PPIL1: variants seen among roughly 807,000 people sequenced by gnomAD.
PPIL1 encodes the protein peptidyl-prolyl cis-trans isomerase-like 1.
A neutral mutation model predicts 19.4 loss-of-function variants in PPIL1; 14 were observed. The ratio of observed to expected loss-of-function variants is 0.72; its 90% confidence interval spans 0.48 to 1.13. PPIL1 has a LOEUF of 1.13. PPIL1 is among the 50% of genes most tolerant of loss of function. PPIL1 has a pLI of 0.00. For synonymous variants in PPIL1, 72 were observed against 73.6 expected (o/e 0.98, Z 0.11); for missense variants, 192 against 218.0 (o/e 0.88, Z 0.75).
At chr6:36,865,840 T>G (rs150615123) in intron 2 of PPIL1, among the ~76,000 whole-genome samples, 69 of 152,366 alleles carry the variant, frequency 4.5e-4, no homozygotes, top group Non-Finnish European at 9.4e-4. Context: ...AATGCTTAAG[T>G]GCTTCTCCCA....
At position 36,855,987 on chromosome 6, in the gene PPIL1, G is replaced by A. The variant is rs1380483201; in HGVS notation, c.327C>T (p.Gly109=). ...GGGCGAGGGTCACAAAGAACTGGCT[G>A]CCATTGGTATCTGGCCCCGCATTGG... ...AMANAGPDTN[G]SQFFVTLAPT... is the part of the protein sequence containing the mutation. The change falls in exon 4 of 4, where the codon GGC becomes GGT. Residue 109 remains glycine, a synonymous_variant. Transcript: ENST00000373699. 2.5e-6 allele frequency: 4 copies of A among 1,614,118 alleles called. No homozygotes were observed. The African/African-American group carries it at 4.0e-5, about 16-fold the overall frequency.
chr6:36,867,111 A>C lies in PPIL1; in HGVS notation c.211+4607T>G, dbSNP rs371871996. ...CGGGGCCTCAACCCGTGTGCGGCCC[A>C]TGTTTCACAGGACGAGCCAGGGGCT... is the stretch of plus-strand genomic sequence containing the variant. On this transcript the variant is annotated intron_variant, in intron 2 of 3. Transcript: ENST00000373699. 2.6e-5 allele frequency among the ~76,000 whole-genome samples: 4 copies of C among 152,300 alleles called. No homozygotes were observed. The East Asian group carries it at 5.8e-4, about 22-fold the overall frequency.
At chr6:36,871,894 G>A (rs778019289) in intron 1 of PPIL1, 22 bp from the exon 2 acceptor site, 2 of 1,550,122 alleles carry the variant, frequency 1.3e-6, no homozygotes, top group Non-Finnish European at 1.7e-6. Flanking sequence ...GAGGACAACA[G>A]CTCCAGTAAA....
chr6:36,864,248 C>T (rs1395842009), intron 2 of PPIL1, among the ~76,000 whole-genome samples: 1 of 152,050 alleles, frequency 6.6e-6, no homozygotes, highest in African/African-American at 2.4e-5. Context: ...GCTTGAAACC[C>T]TCCATCAACA....
intron 2 of PPIL1, among the ~76,000 whole-genome samples, chr6:36,859,860 C>T (rs1177969743): frequency 1.5e-5 from 2 of 131,728 alleles, no homozygotes; most frequent in Non-Finnish European, 3.3e-5. Flanking sequence ...GACAGAATCT[C>T]ACTCTATCAC....
At chr6:36,860,804 T>TAAAA (rs1383188620) in intron 2 of PPIL1, among the ~76,000 whole-genome samples, 61 of 152,074 alleles carry the variant, frequency 4.0e-4, no homozygotes, top group Admixed American at 5.9e-4. Context: ...TGCATGTTTT[T>TAAAA]AAGCTTTTTT....
Position 36,871,809 on chromosome 6 carries a change from A to G in PPIL1, c.120T>C (p.Ala40=), listed in dbSNP as rs759116300. 50 of 1,612,090 alleles carry G rather than the reference A, an allele frequency of 3.1e-5. No homozygotes were observed. The South Asian group carries it at 5.1e-4, about 16-fold the overall frequency. ...TGTAGTAACCTCGACGAGCCAACTC[A>G]GCAAAGTTCTTACAGGTCTTTGGAG... ...KHAPKTCKNF[A]ELARRGYYNG... Residue 40 remains alanine (A), a synonymous_variant, in exon 2 of 4, where the codon GCT becomes GCC. Transcript: ENST00000373699.
Position 36,855,510 on chromosome 6 carries a change from T to C in PPIL1, c.*303A>G, listed in dbSNP as rs1304852849. On this transcript the variant is annotated 3_prime_UTR_variant, in exon 4 of 4. Coordinates refer to ENST00000373699, the MANE Select transcript of PPIL1 (RefSeq NM_016059.5). ...AGAAATGACAGTGGCTGCTACATTG[T>C]TCGACGTATATCAGAGCAGACATGC... 2 of 356,278 alleles carry C rather than the reference T, an allele frequency of 5.6e-6. No individual in the cohort carries two copies. Among genetic ancestry groups the C allele is most frequent in the African/African-American group, 4.1e-5 (2 of 48,246 alleles). The allele number at this position is 356,278 out of a possible 1,614,324, so 22.1% of individuals were successfully genotyped here.
intron 2 of PPIL1, among the ~76,000 whole-genome samples, chr6:36,860,945 G>C (rs982724451): frequency 4.6e-5 from 7 of 152,052 alleles, no homozygotes; most frequent in Non-Finnish European, 8.8e-5. Context: ...GTTCCAGGCA[G>C]GTCTCTGTAG....
Position 36,856,610 on chromosome 6 carries a change from G to C in PPIL1, c.256C>G (p.Leu86Val). 1 of 1,614,158 alleles carries C rather than the reference G, an allele frequency of 6.2e-7. No individual in the cohort carries two copies. The highest frequency in any genetic ancestry group is 8.5e-7 in the Non-Finnish European group (1 of 1,180,004). ...SIYGKQFEDE[L>V]HPDLKFTGAG... is the part of the protein sequence containing the mutation. Reference sequence around the variant, plus strand: ...CCCGTGAATTTCAAGTCTGGATGAAGTTCATCTTCAAACTGTTTGCCATAG... The same window carrying C: ...CCCGTGAATTTCAAGTCTGGATGAACTTCATCTTCAAACTGTTTGCCATAG... Residue 86 changes from leucine to valine, a missense_variant, in exon 3 of 4, where the codon CTT (leucine) becomes GTT (valine). Transcript: ENST00000373699.
Position 36,854,973 on chromosome 6 carries a change from T to C in PPIL1, c.*840A>G, listed in dbSNP as rs953775234. 1 of 152,664 alleles carries C rather than the reference T, an allele frequency of 6.6e-6. No homozygotes were observed. Among genetic ancestry groups the C allele is most frequent in the Non-Finnish European group, 1.5e-5 (1 of 68,032 alleles). 9.5% of individuals were successfully genotyped at this position (152,664 alleles called of 1,614,324 possible). A position where few individuals can be genotyped will look rare whatever the true frequency, so the allele number is the denominator to read the frequency against. On this transcript the variant is annotated 3_prime_UTR_variant, in exon 4 of 4. Coordinates refer to ENST00000373699, the MANE Select transcript of PPIL1 (RefSeq NM_016059.5). The stretch of plus-strand genomic sequence containing the variant: ...GAACATATAAAAATCTTGGACCTAA[T>C]TTCTCTAAAGTCTTGGGTTAAAAGA...
intron 2 of PPIL1, among the ~76,000 whole-genome samples, chr6:36,866,393 C>G (rs1480772361): frequency 6.6e-6 from 1 of 152,100 alleles, no homozygotes; most frequent in African/African-American, 2.4e-5. Flanking sequence ...TGCTGCCCAT[C>G]TGAGATGTTT....
intron 2 of PPIL1, among the ~76,000 whole-genome samples, chr6:36,870,854 C>T (rs568525975): frequency 4.3e-4 from 65 of 152,296 alleles, no homozygotes; most frequent in African/African-American, 1.5e-3. Flanking sequence ...GAACTCCTGA[C>T]CTCAAATGAT....
intron 2 of PPIL1, among the ~76,000 whole-genome samples, chr6:36,860,529 T>A (rs1171401529): frequency 3.9e-5 from 6 of 152,052 alleles, no homozygotes; most frequent in African/African-American, 1.4e-4. Flanking sequence ...CACGCAAACA[T>A]ACAAAGAATA....
intron 1 of PPIL1, among the ~76,000 whole-genome samples, chr6:36,873,331 T>C (rs1774558142): frequency 6.6e-6 from 1 of 152,218 alleles, no homozygotes; most frequent in Non-Finnish European, 1.5e-5. Context: ...TTAAATGTCC[T>C]TGAAATAGGA....
intron 2 of PPIL1, among the ~76,000 whole-genome samples, chr6:36,871,352 C>G (rs1323884647): frequency 3.3e-5 from 5 of 152,186 alleles, no homozygotes; most frequent in Non-Finnish European, 5.9e-5. Flanking sequence ...GATAAAAGAA[C>G]CCAGGATTTT....
chr6:36,855,684 G>T lies in PPIL1; in HGVS notation c.*129C>A. 1 of 872,616 alleles carries T rather than the reference G, an allele frequency of 1.1e-6. No homozygotes were observed. Among genetic ancestry groups the T allele is most frequent in the Non-Finnish European group, 1.8e-6 (1 of 555,146 alleles). The allele number at this position is 872,616 out of a possible 1,614,324, so 54.1% of individuals were successfully genotyped here. ...GTACTTCCATCTCTAACTCACCCAA[G>T]ATGCCAGGCCTCCTAAGCTTCATGA... On this transcript the variant is annotated 3_prime_UTR_variant, in exon 4 of 4. Transcript: ENST00000373699.
At position 36,863,993 on chromosome 6, in the gene PPIL1, C is replaced by T. The variant is rs143163692; in HGVS notation, c.212-7339G>A. 4.3e-3 allele frequency among the ~76,000 whole-genome samples: 658 copies of T among 152,030 alleles called. 4 individuals carry two copies. The highest frequency in any genetic ancestry group is 0.015 in the African/African-American group (638 of 41,456). On this transcript the variant is annotated intron_variant, in intron 2 of 3. Coordinates refer to ENST00000373699, the MANE Select transcript of PPIL1 (RefSeq NM_016059.5). The stretch of plus-strand genomic sequence containing the variant: ...TTCCCTTCCAAACCTGGTTCCCTGA[C>T]CCTTTATCTTTCACAGGTGTTACCC...
In PPIL1 at chr6:36,871,525, CAT is replaced by C. The variant is rs543309959; in HGVS notation, c.211+191_211+192del. Reference sequence around the variant, plus strand: ...AGGTTGGTTTCTGGTCAATTCCACACATGTGTGTTTGAGGAAGGCAGGCGTTG... The same window carrying C: ...AGGTTGGTTTCTGGTCAATTCCACACGTGTGTTTGAGGAAGGCAGGCGTTG... On this transcript the variant is annotated intron_variant, in intron 2 of 3. Transcript: ENST00000373699. 1.7e-3 allele frequency among the ~76,000 whole-genome samples: 264 copies of C among 152,296 alleles called. 1 individual carries two copies. Among genetic ancestry groups the C allele is most frequent in the Non-Finnish European group, 2.6e-3 (177 of 68,028 alleles).
Sources: gnomAD v4.1 joint callset for allele counts (sites outside exome capture counted in the v4.1 genomes callset) on GRCh38, gnomAD v4.1.1 for gene constraint, MANE v1.5 for transcripts, NCBI Gene and HGNC (gene_info 2026-07-23, HGNC 2026-07-21) for gene names.